The following PPARG variants were observed in gnomAD, a reference collection of about 807,000 sequenced individuals.
PPARG encodes the protein peroxisome proliferator activated receptor gamma.
Under a neutral mutation model 39.2 loss-of-function variants are expected in PPARG, and 17 were observed. The observed-to-expected ratio is 0.43, with a 90% confidence interval of 0.30 to 0.65. The LOEUF is 0.65. Ranked by LOEUF, PPARG falls within the 30% of genes least tolerant of loss-of-function variation. The pLI is 0.13. For missense variants in PPARG, 406 were observed against 585.9 expected, an observed-to-expected ratio of 0.69 and a Z score of 3.17; for synonymous variants, 223 against 215.7, an observed-to-expected ratio of 1.03 and a Z score of -0.30.
chr3:12,414,447 C>A (rs948227651), intron 6 of PPARG, among the ~76,000 whole-genome samples: 2 of 151,854 alleles, frequency 1.3e-5, no homozygotes, highest in African/African-American at 4.8e-5. Context: ...ATAGCAAGAC[C>A]TCATCTCAAA....
rs531877825 is a variant in PPARG, at chr3:12,318,840, C to T, written c.-9+6387C>T. Among the ~76,000 whole-genome samples, 5 of 151,844 alleles carry T rather than the reference C, an allele frequency of 3.3e-5. No homozygotes were observed. In the South Asian group the frequency reaches 8.4e-4, roughly 25 times the overall value. On this transcript the variant is annotated intron_variant, in intron 2 of 7. Transcript: ENST00000651735. ...GGGGCAAAAGGAAAGCAACTGTGTT[C>T]TCTTTCATACTGTTCTAGTTTTTTT...
At chr3:12,378,889 AT>A (rs1243899381) in intron 2 of PPARG, among the ~76,000 whole-genome samples, 1 of 152,224 alleles carries the variant, frequency 6.6e-6, no homozygotes, top group Non-Finnish European at 1.5e-5. Context: ...AGTGATGAAT[AT>A]GTTCATTACC....
chr3:12,415,186 T>G (rs1007605338), intron 6 of PPARG, among the ~76,000 whole-genome samples: 2 of 152,180 alleles, frequency 1.3e-5, no homozygotes, highest in Non-Finnish European at 2.9e-5. Context: ...TTGTCGTGCA[T>G]GCACACTCAC....
chr3:12,431,261 C>T (rs1423240412), intron 7 of PPARG, among the ~76,000 whole-genome samples: 1 of 152,114 alleles, frequency 6.6e-6, no homozygotes, highest in Admixed American at 6.5e-5. Flanking sequence ...AAACATGCTT[C>T]TATATAACTC....
At chr3:12,380,063 C>A in intron 3 of PPARG, 132 bp downstream of exon 3, 1 of 871,110 alleles carries the variant, frequency 1.1e-6, no homozygotes, top group Non-Finnish European at 1.9e-6. Flanking sequence ...ATTTATTCAC[C>A]CATTTATCCA....
At position 12,307,138 on chromosome 3, in the gene PPARG, C is replaced by CTT. The variant is rs71268430; in HGVS notation, c.-82-5230_-82-5229dup. On this transcript the variant is annotated intron_variant, in intron 1 of 7. Coordinates refer to ENST00000651735, the MANE Select transcript of PPARG (RefSeq NM_138711.6). Reference sequence around the variant, plus strand: ...AAAAATCAACCGCTGTTAGGAAATTCTTTTTTTTTTTTTGTCTCTCTTAAA... The same window carrying CTT: ...AAAAATCAACCGCTGTTAGGAAATTCTTTTTTTTTTTTTTTGTCTCTCTTAAA... Among the ~76,000 whole-genome samples, 145 of 128,776 alleles carry CTT rather than the reference C, an allele frequency of 1.1e-3. 2 individuals are homozygous for CTT. The highest frequency in any genetic ancestry group is 4.4e-3 in the Middle Eastern group (1 of 228). The allele number at this position is 128,776 out of a possible 152,430, so 84.5% of individuals were successfully genotyped here. A position where few individuals can be genotyped will look rare whatever the true frequency, so the allele number is the denominator to read the frequency against.
chr3:12,309,417 C>T (rs1393518507), intron 1 of PPARG, among the ~76,000 whole-genome samples: 1 of 151,968 alleles, frequency 6.6e-6, no homozygotes, highest in African/African-American at 2.4e-5. Context: ...TATGGTGGTT[C>T]ATTATTTTAA....
chr3:12,405,009 A>C (rs1001862559), intron 5 of PPARG, among the ~76,000 whole-genome samples: 1 of 152,214 alleles, frequency 6.6e-6, no homozygotes, highest in South Asian at 2.1e-4. Context: ...AACAGTGGAC[A>C]TGATGGCCAG....
chr3:12,418,109 G>T (rs1162436887), intron 7 of PPARG, among the ~76,000 whole-genome samples: 2 of 151,912 alleles, frequency 1.3e-5, no homozygotes, highest in East Asian at 3.9e-4. Flanking sequence ...CAGGACAACA[G>T]CTGCACACCA....
intron 1 of PPARG, among the ~76,000 whole-genome samples, chr3:12,299,376 CAG>C (rs1254450594): frequency 3.9e-5 from 6 of 152,130 alleles, no homozygotes; most frequent in African/African-American, 9.7e-5. Context: ...ACCGTGGACT[CAG>C]GGGGCTCTCT....
chr3:12,346,924 T>C (rs922894808), intron 2 of PPARG, among the ~76,000 whole-genome samples: 6 of 152,012 alleles, frequency 3.9e-5, no homozygotes, highest in Non-Finnish European at 8.8e-5. Flanking sequence ...GTGTGAGCCA[T>C]TGCACCTAGC....
intron 7 of PPARG, among the ~76,000 whole-genome samples, chr3:12,424,783 G>T (rs1324306127): frequency 6.6e-6 from 1 of 152,134 alleles, no homozygotes; most frequent in Non-Finnish European, 1.5e-5. Flanking sequence ...AGGGACAGGA[G>T]TTCCAAATCC....
intron 2 of PPARG, among the ~76,000 whole-genome samples, chr3:12,374,111 A>G (rs1400088592): frequency 6.6e-6 from 1 of 152,204 alleles, no homozygotes; most frequent in African/African-American, 2.4e-5. Context: ...AGGGCCTTGA[A>G]TGCCAAGCTA....
At chr3:12,379,668 G>A in intron 2 of PPARG, 36 bp from the exon 3 acceptor site, 2 of 1,554,472 alleles carry the variant, frequency 1.3e-6, no homozygotes, top group Admixed American at 1.7e-5. Context: ...TGTTCTCTAG[G>A]ACTTAACTTC....
chr3:12,355,973 T>C (rs956173196), intron 2 of PPARG, among the ~76,000 whole-genome samples: 1 of 152,222 alleles, frequency 6.6e-6, no homozygotes, highest in Non-Finnish European at 1.5e-5. Flanking sequence ...TTCATAGCTC[T>C]TTCGTTAGGT....
chr3:12,406,319 G>A lies in PPARG; in HGVS notation c.729+238G>A, dbSNP rs1345947693. On this transcript the variant is annotated intron_variant, in intron 6 of 7. Transcript: ENST00000651735. ...AAGTTTTTGAGAATAGTGTAACAAT[G>A]TATTGGTCATCCTAACTTTAATGAA... The A allele has an allele frequency of 7.7e-6, 4 of 519,388 alleles. No homozygotes were observed. In the East Asian group the frequency reaches 1.1e-4, roughly 14 times the overall value. 32.2% of individuals were successfully genotyped at this position (519,388 alleles called of 1,614,324 possible). A position where few individuals can be genotyped will look rare whatever the true frequency, so the allele number is the denominator to read the frequency against.
At position 12,379,886 on chromosome 3, in the gene PPARG, G is replaced by T. The variant is rs2049575083; in HGVS notation, c.175G>T (p.Val59Leu). 1 of 1,613,628 alleles carries T rather than the reference G, an allele frequency of 6.2e-7. No individual in the cohort carries two copies. The highest frequency in any genetic ancestry group is 1.1e-5 in the South Asian group (1 of 91,086). ...EDIPFTRTDPVVADYKYDLKL... is the reference protein window; with the variant it reads ...EDIPFTRTDPLVADYKYDLKL... ...CATTCCATTCACAAGAACAGATCCAGTGGTTGCAGATTACAAGTATGACCT... is the reference window on the plus strand; with the variant it reads ...CATTCCATTCACAAGAACAGATCCATTGGTTGCAGATTACAAGTATGACCT... Residue 59 changes from valine to leucine, a missense_variant, in exon 3 of 8, where the codon GTG becomes TTG. By Grantham distance (32) the Val-to-Leu change is conservative. Around this residue, in one of 2 missense-constraint regions of PPARG, gnomAD observed 131 missense variants for 127.9 expected, o/e 1.02. Coordinates refer to ENST00000651735, the MANE Select transcript of PPARG (RefSeq NM_138711.6).
At chr3:12,296,113 G>A (rs755991239) in intron 1 of PPARG, among the ~76,000 whole-genome samples, 8 of 151,288 alleles carry the variant, frequency 5.3e-5, no homozygotes, top group Admixed American at 1.3e-4. Flanking sequence ...TTAACTGGGC[G>A]TGGTGGCACA....
At chr3:12,305,729 T>G (rs1416195310) in intron 1 of PPARG, 2 of 152,242 alleles carry the variant, frequency 1.3e-5, no homozygotes, top group Admixed American at 1.3e-4. Flanking sequence ...TAATCCCAAA[T>G]AGCCATCATA....
Sources: gnomAD v4.1 joint callset for allele counts (sites outside exome capture counted in the v4.1 genomes callset) on GRCh38, gnomAD v4.1.1 for gene constraint, gnomAD v4.1.1 regional missense constraint, MANE v1.5 for transcripts, NCBI Gene and HGNC (gene_info 2026-07-23, HGNC 2026-07-21) for gene names.